Variants in RAD54B observed in about 807,000 individuals in gnomAD.
The protein encoded by RAD54B is RAD54 homolog B.
Under a neutral mutation model 95.8 loss-of-function variants are expected in RAD54B, and 78 were observed. The ratio of observed to expected loss-of-function variants is 0.81; its 90% CI spans 0.68 to 0.98. The LOEUF (loss-of-function observed/expected upper bound fraction) is 0.98, where lower values mean the gene tolerates loss of function less well. RAD54B is among the 50% of genes least tolerant of loss of function. The pLI is 0.00. For synonymous variants in RAD54B, 328 were observed against 354.9 expected (o/e 0.92, Z 0.85); for missense variants, 957 against 1,056.6 (o/e 0.91, Z 1.31).
chr8:94,399,505 G>C lies in RAD54B; in HGVS notation c.1287C>G (p.Ile429Met). 6.2e-7 allele frequency: 1 copy of C among 1,613,512 alleles called. No homozygotes were observed. Among genetic ancestry groups the C allele is most frequent in the Non-Finnish European group, 8.5e-7 (1 of 1,179,670 alleles). Residue 429 changes from isoleucine (I) to methionine (M), a missense_variant, in exon 8 of 15, where the codon ATC becomes ATG. Ile to Met is a conservative substitution (Grantham distance 10, BLOSUM62 1). Transcript: ENST00000336148. ...TCTTCAAACGATGCCCCTCGTCACAGATTAGAAGATCAAATTTTATATTCT... is the reference window on the plus strand; with the variant it reads ...TCTTCAAACGATGCCCCTCGTCACACATTAGAAGATCAAATTTTATATTCT... ...QIKNIKFDLL[I>M]CDEGHRLKNS...
Position 94,445,138 on chromosome 8 carries a change from T to G in RAD54B, c.304+13130A>C, listed in dbSNP as rs1812490031. Among the ~76,000 whole-genome samples the G allele has an allele frequency of 2.6e-5, 4 of 152,258 alleles. No homozygotes were observed. The East Asian group carries it at 7.7e-4, about 29-fold the overall frequency. ...AAACACCAGCAGATTTGGTGTCTGG[T>G]AAGGGCCCATTTCCTGGTTCTTAGA... On this transcript the variant is annotated intron_variant, in intron 3 of 14. Transcript: ENST00000336148.
intron 10 of RAD54B, chr8:94,387,435 AG>A (rs778400430): frequency 4.1e-6 from 1 of 246,774 alleles, no homozygotes; most frequent in Non-Finnish European, 7.7e-6. Flanking sequence ...ATGTAACTAC[AG>A]GAAGTAGGAG....
chr8:94,379,161 G>C (rs571053842), intron 12 of RAD54B, among the ~76,000 whole-genome samples: 2 of 152,276 alleles, frequency 1.3e-5, no homozygotes, highest in African/African-American at 4.8e-5. Context: ...TAGGCCTTTG[G>C]AATGTCCTGC....
intron 2 of RAD54B, among the ~76,000 whole-genome samples, chr8:94,465,536 T>C (rs1005054196): frequency 1.3e-5 from 2 of 152,164 alleles, no homozygotes; most frequent in Non-Finnish European, 2.9e-5. Context: ...AGGATGTAGA[T>C]ACTACAACCA....
At chr8:94,454,560 T>A (rs542967658) in intron 3 of RAD54B, among the ~76,000 whole-genome samples, 1 of 152,206 alleles carries the variant, frequency 6.6e-6, no homozygotes, top group Non-Finnish European at 1.5e-5. Context: ...ACAATATAAA[T>A]ATGATACCAA....
At chr8:94,451,052 C>T (rs1207364813) in intron 3 of RAD54B, among the ~76,000 whole-genome samples, 1 of 151,990 alleles carries the variant, frequency 6.6e-6, no homozygotes, top group Non-Finnish European at 1.5e-5. Context: ...TATAGATTTT[C>T]GAGTTTTGAC....
chr8:94,431,509 T>C, intron 3 of RAD54B: 1 of 981,382 alleles, frequency 1.0e-6, no homozygotes, highest in Non-Finnish European at 1.2e-6. Context: ...GGGATGGAAA[T>C]TACACAAAGA....
chr8:94,401,859 A>C lies in RAD54B; in HGVS notation c.945-1396T>G, dbSNP rs532426687. ...AGATACAGTGAATAGCAAAGAGAAA[A>C]TCCAGATTCATCCTTTCACGATAAA... On this transcript the variant is annotated intron_variant, in intron 6 of 14. Coordinates refer to ENST00000336148, the MANE Select transcript of RAD54B (RefSeq NM_012415.3). 3.9e-5 allele frequency among the ~76,000 whole-genome samples: 6 copies of C among 152,314 alleles called. No homozygotes were observed. In the East Asian group the frequency reaches 1.2e-3, roughly 29 times the overall value.
chr8:94,407,025 TA>T (rs923645227), intron 5 of RAD54B, among the ~76,000 whole-genome samples: 1 of 152,184 alleles, frequency 6.6e-6, no homozygotes, highest in African/African-American at 2.4e-5. Context: ...TACCATTCAA[TA>T]TTTTTACACA....
intron 3 of RAD54B, among the ~76,000 whole-genome samples, chr8:94,452,312 G>C (rs964066138): frequency 2.0e-5 from 3 of 152,118 alleles, no homozygotes; most frequent in African/African-American, 7.2e-5. Context: ...TCCTGATTTT[G>C]ACTGTTGTAC....
At chr8:94,444,851 G>A (rs1812484362) in intron 3 of RAD54B, among the ~76,000 whole-genome samples, 1 of 152,134 alleles carries the variant, frequency 6.6e-6, no homozygotes, top group African/African-American at 2.4e-5. Flanking sequence ...CAACTCAGCA[G>A]TGTCTTTCTC....
chr8:94,460,063 C>A (rs1335663203), intron 2 of RAD54B, among the ~76,000 whole-genome samples: 1 of 151,966 alleles, frequency 6.6e-6, no homozygotes, highest in Non-Finnish European at 1.5e-5. Flanking sequence ...GAGGCTGAGG[C>A]AGGAGAACGG....
chr8:94,458,044 C>A lies in RAD54B; in HGVS notation c.304+224G>T, dbSNP rs2919662. The stretch of plus-strand genomic sequence containing the variant: ...GATCACATTTGACCAAGTTTATAAT[C>A]AACAGTCTTAAGCATACATCTACTA... On this transcript the variant is annotated intron_variant, in intron 3 of 14. Coordinates refer to ENST00000336148, the MANE Select transcript of RAD54B (RefSeq NM_012415.3). 0.42 allele frequency among the ~76,000 whole-genome samples: 63,100 copies of A among 152,016 alleles called. 13,318 individuals carry two copies. Among genetic ancestry groups the A allele is most frequent in the Admixed American group, 0.51 (7,835 of 15,286 alleles).
At chr8:94,411,574 A>G (rs1226446281) in intron 3 of RAD54B, among the ~76,000 whole-genome samples, 1 of 152,088 alleles carries the variant, frequency 6.6e-6, no homozygotes, top group East Asian at 1.9e-4. Context: ...GTAGAATAAC[A>G]TAATAATCAC....
chr8:94,438,026 T>C (rs1223964712), intron 3 of RAD54B, among the ~76,000 whole-genome samples: 1 of 152,196 alleles, frequency 6.6e-6, no homozygotes, highest in Non-Finnish European at 1.5e-5. Flanking sequence ...GTGATAGTTA[T>C]TAAGAGGTAG....
intron 2 of RAD54B, among the ~76,000 whole-genome samples, chr8:94,461,989 G>T (rs1337458156): frequency 6.6e-6 from 1 of 152,062 alleles, no homozygotes; most frequent in Non-Finnish European, 1.5e-5. Context: ...ATTACATCTA[G>T]TCAGTATGTT....
intron 2 of RAD54B, among the ~76,000 whole-genome samples, chr8:94,464,898 G>A (rs1192786874): frequency 6.6e-6 from 1 of 152,042 alleles, no homozygotes; most frequent in Non-Finnish European, 1.5e-5. Flanking sequence ...AAGAGGGAGA[G>A]CAAAAGAGGG....
At chr8:94,420,397 A>G (rs957071277) in intron 3 of RAD54B, among the ~76,000 whole-genome samples, 1 of 151,516 alleles carries the variant, frequency 6.6e-6, no homozygotes, top group Middle Eastern at 3.2e-3. Context: ...CTGGGACTAC[A>G]GGCATGCACC....
At chr8:94,456,309 T>G (rs1026139342) in intron 3 of RAD54B, among the ~76,000 whole-genome samples, 1 of 152,140 alleles carries the variant, frequency 6.6e-6, no homozygotes, top group Non-Finnish European at 1.5e-5. Context: ...GCTCTTTCAG[T>G]TGAAAGAGAA....
Sources: allele counts gnomAD v4.1 joint callset (sites outside exome capture counted in the v4.1 genomes callset), GRCh38; gene constraint gnomAD v4.1.1; transcripts MANE v1.5; gene names NCBI Gene and HGNC (gene_info 2026-07-23, HGNC 2026-07-21).